Variants in MED27 observed in about 807,000 individuals in gnomAD.
MED27 encodes mediator of RNA polymerase II transcription subunit 27.
In MED27, 30 loss-of-function variants were observed where a neutral mutation model predicts 38.2. The observed-to-expected ratio is 0.79, with a 90% CI of 0.59 to 1.07. The LOEUF (loss-of-function observed/expected upper bound fraction) is 1.07. Among genes scored for constraint, MED27 ranks in the 50% least tolerant of loss-of-function variants. MED27 has a pLI of 0.00. For synonymous variants in MED27, 122 were observed against 153.5 expected (o/e 0.79, Z 1.52); for missense variants, 289 against 397.5 (o/e 0.73, Z 2.32).
At chr9:131,882,239 G>C (rs1015485353) in intron 6 of MED27, among the ~76,000 whole-genome samples, 2 of 152,136 alleles carry the variant, frequency 1.3e-5, no homozygotes, top group Non-Finnish European at 2.9e-5. Flanking sequence ...AAGGGGCCCA[G>C]GGGGCACTGT....
At chr9:131,946,977 T>C (rs1043424162) in intron 3 of MED27, among the ~76,000 whole-genome samples, 1 of 152,208 alleles carries the variant, frequency 6.6e-6, no homozygotes, top group East Asian at 1.9e-4. Flanking sequence ...AAATAATTTT[T>C]TGAGTGATTA....
chr9:131,998,549 A>G (rs1371941408), intron 3 of MED27, among the ~76,000 whole-genome samples: 3 of 152,170 alleles, frequency 2.0e-5, no homozygotes, highest in Non-Finnish European at 4.4e-5. Context: ...ATACTACCCA[A>G]CGATGTCAGA....
intron 4 of MED27, among the ~76,000 whole-genome samples, chr9:131,932,638 A>G (rs1441337489): frequency 6.6e-6 from 1 of 152,070 alleles, no homozygotes; most frequent in African/African-American, 2.4e-5. Flanking sequence ...GTCTCCCAGT[A>G]AAGAAAAGCC....
chr9:131,937,393 G>A (rs1830703854), intron 4 of MED27, among the ~76,000 whole-genome samples: 1 of 152,150 alleles, frequency 6.6e-6, no homozygotes, highest in Non-Finnish European at 1.5e-5. Context: ...TGAATTAGCG[G>A]GGGTGGATGG....
intron 4 of MED27, among the ~76,000 whole-genome samples, chr9:131,923,394 A>C (rs919126479): frequency 4.6e-5 from 7 of 152,212 alleles, no homozygotes; most frequent in Non-Finnish European, 1.0e-4. Context: ...ACCACTGTGA[A>C]AAACCAGCCA....
chr9:132,021,006 A>C (rs1832705634), intron 2 of MED27, among the ~76,000 whole-genome samples: 1 of 152,212 alleles, frequency 6.6e-6, no homozygotes, highest in Non-Finnish European at 1.5e-5. Context: ...TCCTTCAATT[A>C]CTAGGAAAGC....
rs935374705 is a variant in MED27 at position 131,973,461 on chromosome 9, T to C, written c.480-33987A>G. ...TTCTTTTTTTCTTTTTCTTTTCTTT[T>C]TTTTTTTTTTTTTTTGAGATAGAGT... On this transcript the variant is annotated intron_variant, in intron 3 of 7. Coordinates refer to ENST00000292035, the MANE Select transcript of MED27 (RefSeq NM_004269.4). Among the ~76,000 whole-genome samples the C allele has an allele frequency of 1.3e-4, 18 of 135,876 alleles. 1 individual carries two copies. The South Asian group carries it at 2.0e-3, about 15-fold the overall frequency. 89.1% of individuals were successfully genotyped at this position (135,876 alleles called of 152,430 possible).
chr9:131,876,039 C>A (rs935963998), intron 6 of MED27, among the ~76,000 whole-genome samples: 1 of 152,152 alleles, frequency 6.6e-6, no homozygotes, highest in Non-Finnish European at 1.5e-5. Context: ...CTGGGATGGT[C>A]GCTGTGGGGA....
chr9:132,009,647 C>G (rs1012579814), intron 3 of MED27, among the ~76,000 whole-genome samples: 2 of 152,228 alleles, frequency 1.3e-5, no homozygotes, highest in Non-Finnish European at 2.9e-5. Flanking sequence ...AGCCAAACCT[C>G]AGGTGACTGC....
chr9:132,028,475 T>C (rs974052732), intron 2 of MED27, among the ~76,000 whole-genome samples: 1 of 151,780 alleles, frequency 6.6e-6, no homozygotes, highest in Admixed American at 6.6e-5. Flanking sequence ...GGACAGTGCT[T>C]GGCACATAGC....
At chr9:131,896,561 AAAATCT>A (rs1829836341) in intron 4 of MED27, among the ~76,000 whole-genome samples, 4 of 152,264 alleles carry the variant, frequency 2.6e-5, no homozygotes, top group Admixed American at 2.6e-4. Flanking sequence ...TTATTATGGA[AAAATCT>A]AAAATTAGAG....
intron 2 of MED27, among the ~76,000 whole-genome samples, chr9:132,058,129 A>G (rs1417417113): frequency 6.6e-6 from 1 of 152,232 alleles, no homozygotes; most frequent in African/African-American, 2.4e-5. Flanking sequence ...GAAAATATGT[A>G]GAATGTGATC....
chr9:131,931,505 A>T (rs1028838509), intron 4 of MED27, among the ~76,000 whole-genome samples: 1 of 152,198 alleles, frequency 6.6e-6, no homozygotes, highest in African/African-American at 2.4e-5. Flanking sequence ...AATAACACTG[A>T]GTATAAGTGA....
intron 3 of MED27, among the ~76,000 whole-genome samples, chr9:132,001,415 A>C (rs1832231718): frequency 6.6e-6 from 1 of 152,236 alleles, no homozygotes; most frequent in Admixed American, 6.5e-5. Flanking sequence ...AACAATACAC[A>C]TCAGATCACA....
chr9:131,864,874 G>A (rs1230016802), intron 6 of MED27, among the ~76,000 whole-genome samples: 1 of 152,248 alleles, frequency 6.6e-6, no homozygotes, highest in African/African-American at 2.4e-5. Flanking sequence ...GACAGAGTGA[G>A]GCCAGGCGTG....
intron 2 of MED27, among the ~76,000 whole-genome samples, chr9:132,035,897 G>A (rs1439597734): frequency 6.6e-6 from 1 of 152,006 alleles, no homozygotes; most frequent in Non-Finnish European, 1.5e-5. Flanking sequence ...CCCAGGAAGT[G>A]GAGGCTGCAG....
intron 2 of MED27, chr9:132,073,319 G>A (rs7041047): frequency 0.98 from 966,714 of 987,194 alleles, 473,416 homozygotes; most frequent in East Asian, 1. Flanking sequence ...AGCAAACCAC[G>A]AAAGGGGTTG....
intron 6 of MED27, among the ~76,000 whole-genome samples, chr9:131,876,881 T>C (rs1054351486): frequency 6.6e-6 from 1 of 152,228 alleles, no homozygotes; most frequent in African/African-American, 2.4e-5. Flanking sequence ...CCCTCAGTTC[T>C]ATCTGTTTGG....
At chr9:131,866,233 C>CT (rs1838734362) in intron 6 of MED27, among the ~76,000 whole-genome samples, 1 of 152,246 alleles carries the variant, frequency 6.6e-6, no homozygotes, top group Non-Finnish European at 1.5e-5. Context: ...CCTTCCTCAG[C>CT]TGACCTCTGG....
Sources: allele counts gnomAD v4.1 joint callset (sites outside exome capture counted in the v4.1 genomes callset), GRCh38; gene constraint gnomAD v4.1.1; transcripts MANE v1.5; gene names NCBI Gene and HGNC (gene_info 2026-07-23, HGNC 2026-07-21).